KCNH8: variants seen among roughly 807,000 people sequenced by gnomAD.
The protein encoded by KCNH8 is voltage-gated delayed rectifier potassium channel KCNH8.
In KCNH8, 70 loss-of-function variants were observed where a neutral mutation model predicts 103.6. That is an observed-to-expected ratio of 0.68 (90% CI 0.56 to 0.82). The LOEUF (loss-of-function observed/expected upper bound fraction) is 0.82, where lower values mean the gene tolerates loss of function less well. Ranked by LOEUF, KCNH8 falls within the 40% of genes least tolerant of loss-of-function variation. The pLI is 0.00. For synonymous variants in KCNH8, 498 were observed against 489.4 expected (o/e 1.02, Z -0.23); for missense variants, 1,217 against 1,329.9 (o/e 0.92, Z 1.32).
At position 19,333,314 on chromosome 3, in the gene KCNH8, G is replaced by A. The variant is rs1250505277; in HGVS notation, c.443-9273G>A. Among the ~76,000 whole-genome samples, 3 of 152,084 alleles carry A rather than the reference G, an allele frequency of 2.0e-5. No individual in the cohort carries two copies. In the East Asian group the frequency reaches 5.8e-4, roughly 29 times the overall value. On this transcript the variant is annotated intron_variant, in intron 3 of 15. Transcript: ENST00000328405. The stretch of plus-strand genomic sequence containing the variant: ...AGTATGTAATTTGTACTATAAATGT[G>A]CTAATTTGAAGCTTCCATATACTAT...
intron 3 of KCNH8, among the ~76,000 whole-genome samples, chr3:19,314,406 C>CA (rs2065246567): frequency 6.6e-6 from 1 of 151,750 alleles, no homozygotes; most frequent in South Asian, 2.1e-4. Flanking sequence ...ACTGATTCTA[C>CA]AAAAAATTAA....
At chr3:19,438,947 T>C (rs142175251) in intron 8 of KCNH8, among the ~76,000 whole-genome samples, 2 of 152,354 alleles carry the variant, frequency 1.3e-5, no homozygotes, top group East Asian at 1.9e-4. Flanking sequence ...ACCATAAATA[T>C]CATTGCTTTC....
At chr3:19,517,592 G>A (rs2068896275) in intron 14 of KCNH8, among the ~76,000 whole-genome samples, 1 of 151,924 alleles carries the variant, frequency 6.6e-6, no homozygotes, top group African/African-American at 2.4e-5. Context: ...ATGCTCATGG[G>A]CACATGAATC....
chr3:19,258,771 C>A (rs1333518188), intron 2 of KCNH8, among the ~76,000 whole-genome samples: 1 of 151,622 alleles, frequency 6.6e-6, no homozygotes, highest in East Asian at 1.9e-4. Context: ...AGAGGCGTAG[C>A]ATTTGCAGTG....
In KCNH8 at chr3:19,148,683, C is replaced by T. The variant is rs1276297336; in HGVS notation, c.-37C>T. ...TTTCCTTTCGAACCATCCTTCTGGA[C>T]AAACTTTGATGGAGAATTTCACACC... On this transcript the variant is annotated 5_prime_UTR_variant, in exon 1 of 16. Coordinates refer to ENST00000328405, the MANE Select transcript of KCNH8 (RefSeq NM_144633.3). 8 of 1,603,260 alleles carry T rather than the reference C, an allele frequency of 5.0e-6. No homozygotes were observed. The highest frequency in any genetic ancestry group is 6.8e-6 in the Non-Finnish European group (8 of 1,170,014).
At chr3:19,178,894 G>A (rs2063425099) in intron 1 of KCNH8, among the ~76,000 whole-genome samples, 1 of 152,156 alleles carries the variant, frequency 6.6e-6, no homozygotes, top group Non-Finnish European at 1.5e-5. Flanking sequence ...CACTCCTGAG[G>A]CAGGAGGCTG....
intron 2 of KCNH8, among the ~76,000 whole-genome samples, chr3:19,262,246 A>G (rs753718451): frequency 9.9e-5 from 15 of 152,062 alleles, no homozygotes; most frequent in Non-Finnish European, 2.2e-4. Flanking sequence ...AGCATGGACT[A>G]TCTTTCCATT....
At chr3:19,329,887 G>A (rs1385254423) in intron 3 of KCNH8, among the ~76,000 whole-genome samples, 1 of 151,290 alleles carries the variant, frequency 6.6e-6, no homozygotes, top group African/African-American at 2.4e-5. Flanking sequence ...CCAGTCCTCT[G>A]CACACCCGAA....
intron 3 of KCNH8, among the ~76,000 whole-genome samples, chr3:19,298,007 G>T (rs1258121333): frequency 1.3e-5 from 2 of 152,250 alleles, no homozygotes; most frequent in African/African-American, 4.8e-5. Flanking sequence ...GTCTCTCCAT[G>T]GTGACTATCA....
chr3:19,481,715 G>A (rs1026532218), intron 11 of KCNH8, among the ~76,000 whole-genome samples: 4 of 152,146 alleles, frequency 2.6e-5, no homozygotes, highest in Non-Finnish European at 4.4e-5. Flanking sequence ...TATTTGGGTC[G>A]GCTTTATGGG....
In KCNH8 at chr3:19,438,224, G is replaced by C. The variant is rs756776405; in HGVS notation, c.1238G>C (p.Gly413Ala). ...CCATACTATGGCAACAATACCTTGG[G>C]GGGCCCGTCGATCCGAAGTGCCTAT... ...ESPYYGNNTL[G>A]GPSIRSAYIA... is the part of the protein sequence containing the mutation. Residue 413 changes from glycine (G) to alanine (A), a missense_variant, in exon 8 of 16, where the codon GGG becomes GCG. Physicochemically the swap from Gly to Ala is moderately conservative, Grantham distance 60. Coordinates refer to ENST00000328405, the MANE Select transcript of KCNH8 (RefSeq NM_144633.3). The C allele has an allele frequency of 6.2e-7, 1 of 1,614,030 alleles. No homozygotes were observed. The highest frequency in any genetic ancestry group is 1.1e-5 in the South Asian group (1 of 91,074).
In KCNH8 at chr3:19,505,246, C is replaced by T. The variant is rs114912382; in HGVS notation, c.2041-5117C>T. On this transcript the variant is annotated intron_variant, in intron 11 of 15. Transcript: ENST00000328405. ...ACATTTTCTCACTTATAAGTGGGAA[C>T]TAAATGATGAAAACACATGGACACC... is the stretch of plus-strand genomic sequence containing the variant. Among the ~76,000 whole-genome samples the T allele has an allele frequency of 6.9e-3, 1,052 of 151,854 alleles. 5 individuals carry two copies. The highest frequency in any genetic ancestry group is 6.9e-3 in the Non-Finnish European group (466 of 67,934).
At position 19,395,237 on chromosome 3, in the gene KCNH8, A is replaced by G; in HGVS notation, c.1103A>G (p.His368Arg). 1 of 1,609,456 alleles carries G rather than the reference A, an allele frequency of 6.2e-7. No homozygotes were observed. Among genetic ancestry groups the G allele is most frequent in the Non-Finnish European group, 8.5e-7 (1 of 1,177,964 alleles). Residue 368 changes from histidine (H) to arginine (R), a missense_variant, in exon 7 of 16, where the codon CAC (histidine) becomes CGC (arginine). By Grantham distance (29) the His-to-Arg change is conservative. Transcript: ENST00000328405. ...LLMSMFALLAHWMACIWYVIG... is the reference protein window; with the variant it reads ...LLMSMFALLARWMACIWYVIG... ...ATGTCCATGTTTGCACTCCTTGCAC[A>G]CTGGATGGCGTGTATCTGGTACGTC... is the stretch of plus-strand genomic sequence containing the variant.
intron 11 of KCNH8, among the ~76,000 whole-genome samples, chr3:19,476,984 T>C (rs535624390): frequency 7.9e-5 from 12 of 152,264 alleles, no homozygotes; most frequent in African/African-American, 2.9e-4. Context: ...AGTTTTACTT[T>C]ATTTAAGTAA....
intron 11 of KCNH8, among the ~76,000 whole-genome samples, chr3:19,482,682 T>C (rs372631050): frequency 1.2e-4 from 19 of 152,330 alleles, no homozygotes; most frequent in Non-Finnish European, 2.5e-4. Context: ...CATGCCACAC[T>C]TGCACAGGCA....
At chr3:19,499,459 G>C (rs2068525497) in intron 11 of KCNH8, among the ~76,000 whole-genome samples, 1 of 152,122 alleles carries the variant, frequency 6.6e-6, no homozygotes, top group Non-Finnish European at 1.5e-5. Context: ...GATACTCCTT[G>C]AGAAGAGCAA....
intron 11 of KCNH8, among the ~76,000 whole-genome samples, chr3:19,463,659 G>A (rs1444492556): frequency 6.6e-6 from 1 of 152,118 alleles, no homozygotes; most frequent in East Asian, 1.9e-4. Context: ...ATATAGTCTT[G>A]TGTATCCATT....
At chr3:19,408,957 T>A (rs1274553573) in intron 7 of KCNH8, among the ~76,000 whole-genome samples, 1 of 152,106 alleles carries the variant, frequency 6.6e-6, no homozygotes, top group Non-Finnish European at 1.5e-5. Context: ...GAGGTAATCA[T>A]TCAAGAAAAT....
At chr3:19,178,319 C>T (rs955612815) in intron 1 of KCNH8, among the ~76,000 whole-genome samples, 2 of 152,034 alleles carry the variant, frequency 1.3e-5, no homozygotes, top group Non-Finnish European at 2.9e-5. Flanking sequence ...GGCTAGTGGT[C>T]TCTTTCAGTC....
Sources: gnomAD v4.1 joint callset for allele counts (sites outside exome capture counted in the v4.1 genomes callset) on GRCh38, gnomAD v4.1.1 for gene constraint, MANE v1.5 for transcripts, NCBI Gene and HGNC (gene_info 2026-07-23, HGNC 2026-07-21) for gene names.